AKAP12: variants seen among roughly 807,000 people sequenced by gnomAD.
AKAP12 encodes the protein A-kinase anchoring protein 12.
In AKAP12, 32 loss-of-function variants were observed where a neutral mutation model predicts 79.9. The ratio of observed to expected loss-of-function variants is 0.40; its 90% confidence interval spans 0.30 to 0.54. The LOEUF (loss-of-function observed/expected upper bound fraction) is 0.54. AKAP12 is among the 20% of genes least tolerant of loss of function. The pLI is 0.48. For missense variants in AKAP12, 2,074 were observed against 2,177.0 expected, an observed-to-expected ratio of 0.95 and a Z score of 0.94; for synonymous variants, 808 against 857.0, an observed-to-expected ratio of 0.94 and a Z score of 1.00.
intron 3 of AKAP12, among the ~76,000 whole-genome samples, chr6:151,346,473 T>C (rs1404475752): frequency 1.3e-5 from 2 of 152,246 alleles, no homozygotes; most frequent in Non-Finnish European, 2.9e-5. Flanking sequence ...GCTAGTTGTT[T>C]TGCAGAATGC....
chr6:151,259,630 G>A (rs9397040), intron 2 of AKAP12, among the ~76,000 whole-genome samples: 75,896 of 143,340 alleles, frequency 0.53, 21,539 homozygotes, highest in African/African-American at 0.74. Flanking sequence ...CCAGGCTGGA[G>A]TGCAGTGGCA....
At chr6:151,301,093 T>G (rs1482712864) in intron 2 of AKAP12, among the ~76,000 whole-genome samples, 2 of 152,194 alleles carry the variant, frequency 1.3e-5, no homozygotes, top group African/African-American at 4.8e-5. Context: ...CTTTCCTCCC[T>G]GAAATGGGTG....
At chr6:151,313,445 G>C (rs377118816) in intron 3 of AKAP12, among the ~76,000 whole-genome samples, 1 of 152,176 alleles carries the variant, frequency 6.6e-6, no homozygotes, top group South Asian at 2.1e-4. Flanking sequence ...TATGCTATGC[G>C]ATTTCTGGGA....
chr6:151,289,764 TAG>T (rs1776575879), intron 2 of AKAP12, among the ~76,000 whole-genome samples: 1 of 152,232 alleles, frequency 6.6e-6, no homozygotes, highest in Non-Finnish European at 1.5e-5. Context: ...GGATTTTGAA[TAG>T]AGACACTGTC....
At chr6:151,305,403 A>G (rs573843551) in intron 2 of AKAP12, among the ~76,000 whole-genome samples, 1 of 152,318 alleles carries the variant, frequency 6.6e-6, no homozygotes, top group South Asian at 2.1e-4. Context: ...TCTGCCTTCC[A>G]TAGTAATTTG....
Position 151,351,675 on chromosome 6 carries a change from A to C in AKAP12, c.3284A>C (p.Lys1095Thr). The C allele has an allele frequency of 6.2e-7, 1 of 1,614,190 alleles. No homozygotes were observed. Among genetic ancestry groups the C allele is most frequent in the Non-Finnish European group, 8.5e-7 (1 of 1,180,046 alleles). ...GLKKETDVVL[K>T]VDAQEAKTEP... is the part of the protein sequence containing the mutation. Reference sequence around the variant, plus strand: ...AAGAAAGAGACGGATGTAGTGTTGAAAGTAGATGCTCAGGAGGCAAAAACT... The same window carrying C: ...AAGAAAGAGACGGATGTAGTGTTGACAGTAGATGCTCAGGAGGCAAAAACT... The change falls in exon 4 of 5, where the codon AAA (lysine) becomes ACA (threonine). Residue 1095 changes from lysine (K) to threonine (T), a missense_variant. Physicochemically the swap from Lys to Thr is moderately conservative, Grantham distance 78 (BLOSUM62 -1). Transcript: ENST00000402676. This position sits in a 1 kb window ranked among gnomAD's most constrained non-coding sequence, Gnocchi z 4.4.
chr6:151,335,347 T>G (rs1046751600), intron 3 of AKAP12, among the ~76,000 whole-genome samples: 1 of 152,248 alleles, frequency 6.6e-6, no homozygotes, highest in Non-Finnish European at 1.5e-5. Context: ...GTTTTTGTTA[T>G]TTTTATAGAA....
At chr6:151,261,508 AC>A (rs1220310210) in intron 2 of AKAP12, among the ~76,000 whole-genome samples, 2 of 151,666 alleles carry the variant, frequency 1.3e-5, no homozygotes, top group Admixed American at 1.3e-4. Flanking sequence ...CAAAAATACA[AC>A]CCGTCTCTAA....
chr6:151,313,145 C>G (rs2114767309), intron 3 of AKAP12, among the ~76,000 whole-genome samples: 1 of 152,254 alleles, frequency 6.6e-6, no homozygotes, highest in Non-Finnish European at 1.5e-5. Flanking sequence ...CAGACCCTTT[C>G]CAGGATCGCA....
chr6:151,244,460 T>C (rs895929054), intron 2 of AKAP12, among the ~76,000 whole-genome samples: 2 of 151,578 alleles, frequency 1.3e-5, no homozygotes, highest in African/African-American at 2.4e-5. Context: ...GGAAGCGGAG[T>C]TTGCAATGAG....
intron 3 of AKAP12, among the ~76,000 whole-genome samples, chr6:151,321,564 A>T (rs574783789): frequency 3.3e-4 from 50 of 152,094 alleles, no homozygotes; most frequent in Admixed American, 3.3e-3. Context: ...AAACAAGCTC[A>T]ATTTTATTTA....
At chr6:151,312,912 G>A (rs963555004) in intron 3 of AKAP12, among the ~76,000 whole-genome samples, 3 of 152,034 alleles carry the variant, frequency 2.0e-5, no homozygotes, top group African/African-American at 4.8e-5. Flanking sequence ...TGAATCCTCT[G>A]AGCCTGGACC....
At chr6:151,311,952 C>T (rs1479798602) in intron 3 of AKAP12, among the ~76,000 whole-genome samples, 1 of 152,218 alleles carries the variant, frequency 6.6e-6, no homozygotes, top group Non-Finnish European at 1.5e-5. Context: ...CTCCCCCACC[C>T]CATACCTGTT....
intron 3 of AKAP12, chr6:151,324,751 A>G: frequency 7.1e-6 from 7 of 985,408 alleles, no homozygotes; most frequent in Non-Finnish European, 8.4e-6. Context: ...CCTAACAAAA[A>G]ATTGGAGTAC....
Position 151,352,068 on chromosome 6 carries a change from G to A in AKAP12, c.3677G>A (p.Ser1226Asn). The change falls in exon 4 of 5, where the codon AGT (serine) becomes AAT (asparagine). Residue 1226 changes from serine (S) to asparagine (N), a missense_variant. Ser to Asn is a conservative substitution (Grantham distance 46, BLOSUM62 1). Around this residue, in one of 3 missense-constraint regions of AKAP12, gnomAD observed 614 missense variants for 665.6 expected, o/e 0.92. Transcript: ENST00000402676. ...AAAGAGAGGCCTCCAGCACCTTCCAGTTTTGTGTTCCAGGAAGAAACTAAA... is the reference window on the plus strand; with the variant it reads ...AAAGAGAGGCCTCCAGCACCTTCCAATTTTGTGTTCCAGGAAGAAACTAAA... ...AQKERPPAPSSFVFQEETKEQ... is the reference protein window; with the variant it reads ...AQKERPPAPSNFVFQEETKEQ... The A allele has an allele frequency of 6.2e-7, 1 of 1,614,160 alleles. No individual in the cohort carries two copies. Among genetic ancestry groups the A allele is most frequent in the African/African-American group, 1.3e-5 (1 of 75,030 alleles).
At position 151,253,120 on chromosome 6, in the gene AKAP12, A is replaced by G. The variant is rs187336441; in HGVS notation, c.162+12396A>G. ...TTACCTGCCACAATGATGAATTTCT[A>G]TTGTCACTCCCTGATATTGACCACT... On this transcript the variant is annotated intron_variant, in intron 2 of 4. Coordinates refer to ENST00000402676, the MANE Select transcript of AKAP12 (RefSeq NM_005100.4). Among the ~76,000 whole-genome samples, 308 of 152,246 alleles carry G rather than the reference A, an allele frequency of 2.0e-3. 1 individual carries two copies. The highest frequency in any genetic ancestry group is 3.4e-3 in the Middle Eastern group (1 of 294).
chr6:151,278,825 G>A (rs937038859), intron 2 of AKAP12, among the ~76,000 whole-genome samples: 6 of 151,926 alleles, frequency 3.9e-5, no homozygotes, highest in South Asian at 2.1e-4. Context: ...CTGCCACCAT[G>A]CCCGGCTAAT....
At chr6:151,297,025 T>TTTTTG (rs1554326052) in intron 2 of AKAP12, among the ~76,000 whole-genome samples, 1 of 151,580 alleles carries the variant, frequency 6.6e-6, no homozygotes, top group African/African-American at 2.4e-5. Flanking sequence ...AAGGGTTTTT[T>TTTTTG]TTTTTTTTTT....
intron 2 of AKAP12, among the ~76,000 whole-genome samples, chr6:151,250,452 A>G (rs186449905): frequency 7.2e-4 from 109 of 151,606 alleles, no homozygotes; most frequent in Admixed American, 1.1e-3. Flanking sequence ...TGAAGCCGAG[A>G]TTGCACCACT....
Sources: gnomAD v4.1 joint callset for allele counts (sites outside exome capture counted in the v4.1 genomes callset) on GRCh38, gnomAD v4.1.1 for gene constraint, gnomAD v4.1.1 regional missense constraint, Gnocchi (gnomAD v3.1) non-coding constraint, MANE v1.5 for transcripts, NCBI Gene and HGNC (gene_info 2026-07-23, HGNC 2026-07-21) for gene names.